The following ACOX3 variants were observed in gnomAD, a reference collection of about 807,000 sequenced individuals.
The protein encoded by ACOX3 is peroxisomal acyl-coenzyme A oxidase 3.
ACOX3 carries 73 observed loss-of-function variants against 81.5 expected under a neutral mutation model. The observed-to-expected ratio is 0.90, with a 90% CI of 0.74 to 1.09. The LOEUF is 1.09. ACOX3 is among the 50% of genes least tolerant of loss of function. The pLI, the probability that ACOX3 is intolerant of heterozygous loss-of-function variation, is 0.00. For synonymous variants in ACOX3, 387 were observed against 375.1 expected (o/e 1.03, Z -0.37); for missense variants, 947 against 928.0 (o/e 1.02, Z -0.27).
In ACOX3 at chr4:8,432,057, A is replaced by T. The variant is rs1258700687; in HGVS notation, c.-15+8591T>A. On this transcript the variant is annotated intron_variant, in intron 1 of 17. Transcript: ENST00000356406. This position sits in a 1 kb window ranked among gnomAD's most constrained non-coding sequence, Gnocchi z 6.2. ...TTCGGCACCAAGAATGATCCATCAC[A>T]GCTCAGCCACAGTCGTCACCACCAC... is the stretch of plus-strand genomic sequence containing the variant. Among the ~76,000 whole-genome samples, 2 of 152,154 alleles carry T rather than the reference A, an allele frequency of 1.3e-5. No individual in the cohort carries two copies. The highest frequency in any genetic ancestry group is 2.9e-5 in the Non-Finnish European group (2 of 68,020).
rs957805913 is a variant in ACOX3 at position 8,400,465 on chromosome 4, A to T, written c.777-813T>A. ...GTTTAAAACTCTTCAGTCAAACAAA[A>T]TAACTGGTGTGATGGCATTGGTGCT... On this transcript the variant is annotated intron_variant, in intron 7 of 17. Coordinates refer to ENST00000356406, the MANE Select transcript of ACOX3 (RefSeq NM_003501.3). The surrounding 1 kb of genome is among the most constrained non-coding windows in gnomAD (Gnocchi z 4.4). 6.6e-6 allele frequency among the ~76,000 whole-genome samples: 1 copy of T among 152,180 alleles called. No individual in the cohort carries two copies. Among genetic ancestry groups the T allele is most frequent in the African/African-American group, 2.4e-5 (1 of 41,442 alleles).
At chr4:8,379,911 A>G (rs748679232) in intron 14 of ACOX3, among the ~76,000 whole-genome samples, 9 of 152,032 alleles carry the variant, frequency 5.9e-5, no homozygotes, top group South Asian at 2.1e-4. Context: ...TCAGCCTCCT[A>G]AAGTGCTGGC....
In ACOX3 at chr4:8,416,494, T is replaced by C; in HGVS notation, c.28A>G (p.Thr10Ala). MASTVEGGD[T>A]ALLPEFPRGP... The stretch of plus-strand genomic sequence containing the variant: ...CTGGGGAATTCTGGGAGCAGAGCTG[T>C]GTCGCCTCCTTCCACAGTGGATGCC... Residue 10 changes from threonine (T) to alanine (A), a missense_variant, in exon 2 of 18, where the codon ACA becomes GCA. Transcript: ENST00000356406. The surrounding 1 kb of genome is among the most constrained non-coding windows in gnomAD (Gnocchi z 4.2). The C allele has an allele frequency of 6.2e-7, 1 of 1,612,110 alleles. No homozygotes were observed.
At chr4:8,364,627 G>A (rs1435403757), downstream of ACOX3, among the ~76,000 whole-genome samples, 3 of 152,190 alleles carry the variant, frequency 2.0e-5, no homozygotes, top group Non-Finnish European at 4.4e-5. This position sits in a 1 kb window ranked among gnomAD's most constrained non-coding sequence, Gnocchi z 5.0. Flanking sequence ...CTGACATGGT[G>A]ACATCGTGAC....
In ACOX3 at chr4:8,380,920, C is replaced by T. The variant is rs116411017; in HGVS notation, c.1653+572G>A. 5.8e-3 allele frequency among the ~76,000 whole-genome samples: 889 copies of T among 152,294 alleles called. 10 individuals carry two copies. Among genetic ancestry groups the T allele is most frequent in the African/African-American group, 0.02 (842 of 41,564 alleles). On this transcript the variant is annotated intron_variant, in intron 14 of 17. Coordinates refer to ENST00000356406, the MANE Select transcript of ACOX3 (RefSeq NM_003501.3). Reference sequence around the variant, plus strand: ...GTGGGGGCTGGGCTCTGCTCTAGGGCAGATGGCTGGGACAGGGCTGGAAGG... The same window carrying T: ...GTGGGGGCTGGGCTCTGCTCTAGGGTAGATGGCTGGGACAGGGCTGGAAGG...
At position 8,366,709 on chromosome 4, in the gene ACOX3, G is replaced by A. The variant is rs544495053; in HGVS notation, c.*252C>T. The stretch of plus-strand genomic sequence containing the variant: ...TTCTAATTATCAAAAAACCCACGGC[G>A]CATCAGGTAGACATGATCATCTGCA... On this transcript the variant is annotated 3_prime_UTR_variant, in exon 18 of 18. Transcript: ENST00000356406. The A allele has an allele frequency of 6.3e-5, 21 of 334,232 alleles. No individual in the cohort carries two copies. Among genetic ancestry groups the A allele is most frequent in the Middle Eastern group, 9.0e-4 (1 of 1,114 alleles). The allele number at this position is 334,232 out of a possible 1,614,324, so 20.7% of individuals were successfully genotyped here.
At chr4:8,411,694 C>A (rs150448332) in intron 5 of ACOX3, among the ~76,000 whole-genome samples, 90 of 152,312 alleles carry the variant, frequency 5.9e-4, no homozygotes, top group Non-Finnish European at 1.5e-5. Flanking sequence ...TGCCTCCCTG[C>A]GCCCCGGCAT....
intron 5 of ACOX3, among the ~76,000 whole-genome samples, chr4:8,413,503 G>A (rs543945253): frequency 2.5e-4 from 20 of 81,468 alleles, no homozygotes; most frequent in Admixed American, 1.3e-3. Context: ...CCTCCACCCC[G>A]CAACCCTCCA....
the ACOX3 span, among the ~76,000 whole-genome samples, chr4:8,359,598 G>T: frequency 6.6e-6 from 1 of 152,298 alleles, no homozygotes; most frequent in South Asian, 2.1e-4. The surrounding 1 kb of genome is among the most constrained non-coding windows in gnomAD (Gnocchi z 6.0). Context: ...AATTAGCCAC[G>T]TACAGGATTG....
rs371023513 is a variant in ACOX3, at chr4:8,370,852, G to A, written c.1983+56C>T. On this transcript the variant is annotated intron_variant, in intron 17 of 17. Transcript: ENST00000356406. The surrounding 1 kb of genome is among the most constrained non-coding windows in gnomAD (Gnocchi z 6.3). ...TGACCCACAGGAGCATCTCAGCTCC[G>A]CAGAAATGCCCATCAACCCTTGGGG... 259 of 1,525,330 alleles carry A rather than the reference G, an allele frequency of 1.7e-4. 1 individual carries two copies. The African/African-American group carries it at 2.8e-3, about 17-fold the overall frequency. The allele number at this position is 1,525,330 out of a possible 1,614,324, so 94.5% of individuals were successfully genotyped here.
Position 8,430,582 on chromosome 4 carries a change from G to T in ACOX3, c.-15+10066C>A, listed in dbSNP as rs1451376004. Among the ~76,000 whole-genome samples, 1 of 152,202 alleles carries T rather than the reference G, an allele frequency of 6.6e-6. No individual in the cohort carries two copies. Among genetic ancestry groups the T allele is most frequent in the Non-Finnish European group, 1.5e-5 (1 of 68,044 alleles). Reference sequence around the variant, plus strand: ...TTAGAAAAACATCTTTCGGCTGGGTGTGGTGGCTCACACCTATAATCTTAG... The same window carrying T: ...TTAGAAAAACATCTTTCGGCTGGGTTTGGTGGCTCACACCTATAATCTTAG... On this transcript the variant is annotated intron_variant, in intron 1 of 17. Coordinates refer to ENST00000356406, the MANE Select transcript of ACOX3 (RefSeq NM_003501.3). The surrounding 1 kb of genome is among the most constrained non-coding windows in gnomAD (Gnocchi z 5.2).
chr4:8,376,878 A>C (rs2108807819), intron 14 of ACOX3, among the ~76,000 whole-genome samples: 1 of 151,982 alleles, frequency 6.6e-6, no homozygotes, highest in Non-Finnish European at 1.5e-5. Flanking sequence ...CTAGCACCCA[A>C]ATTTCCCAGA....
rs1168452325 is a variant in ACOX3, at chr4:8,407,749, A to G, written c.688-1706T>C. On this transcript the variant is annotated intron_variant, in intron 6 of 17. Transcript: ENST00000356406. This position sits in a 1 kb window ranked among gnomAD's most constrained non-coding sequence, Gnocchi z 4.6. ...ATATTCTGGTCAATCACCGCTCCCC[A>G]AGATACAGGTCCAGCCAGCTAATGG... Among the ~76,000 whole-genome samples, 1 of 152,254 alleles carries G rather than the reference A, an allele frequency of 6.6e-6. No homozygotes were observed. The highest frequency in any genetic ancestry group is 2.4e-5 in the African/African-American group (1 of 41,470).
rs1256716815 is a variant in ACOX3 at position 8,370,567 on chromosome 4, T to C, written c.1983+341A>G. On this transcript the variant is annotated intron_variant, in intron 17 of 17. Coordinates refer to ENST00000356406, the MANE Select transcript of ACOX3 (RefSeq NM_003501.3). This position sits in a 1 kb window ranked among gnomAD's most constrained non-coding sequence, Gnocchi z 6.3. ...GGCCAGGAGCATGGTCAGATGGGGGTAAGACCTGGGACCGGGGAGGCCGGG... is the reference window on the plus strand; with the variant it reads ...GGCCAGGAGCATGGTCAGATGGGGGCAAGACCTGGGACCGGGGAGGCCGGG... 3.7e-5 allele frequency among the ~76,000 whole-genome samples: 5 copies of C among 135,460 alleles called. No homozygotes were observed. Among genetic ancestry groups the C allele is most frequent in the African/African-American group, 1.4e-4 (5 of 35,380 alleles). The allele number at this position is 135,460 out of a possible 152,430, so 88.9% of individuals were successfully genotyped here.
intron 16 of ACOX3, among the ~76,000 whole-genome samples, 169 bp downstream of exon 16, chr4:8,373,392 T>G (rs900544817): frequency 4.0e-5 from 6 of 150,316 alleles, no homozygotes; most frequent in Middle Eastern, 3.4e-3. Flanking sequence ...TGCGTGTCGG[T>G]CTGGGTAAGG....
At chr4:8,397,914 G>A (rs1385338019) in intron 8 of ACOX3, among the ~76,000 whole-genome samples, 1 of 152,250 alleles carries the variant, frequency 6.6e-6, no homozygotes, top group African/African-American at 2.4e-5. Flanking sequence ...TAATCCCAAT[G>A]CTTTGGGAGG....
Position 8,386,780 on chromosome 4 carries a change from G to A in ACOX3, c.1537+2393C>T, listed in dbSNP as rs747827575. Among the ~76,000 whole-genome samples the A allele has an allele frequency of 5.9e-5, 9 of 152,288 alleles. No individual in the cohort carries two copies. Among genetic ancestry groups the A allele is most frequent in the Non-Finnish European group, 1.2e-4 (8 of 68,026 alleles). ...GACGGTGCGGGCAGGGGAAGGCGCT[G>A]GGAAGCCGGACCGGCCCAGGCTCCA... On this transcript the variant is annotated intron_variant, in intron 13 of 17. Transcript: ENST00000356406. This position sits in a 1 kb window ranked among gnomAD's most constrained non-coding sequence, Gnocchi z 5.2.
At chr4:8,422,899 T>C (rs1723098977) in intron 1 of ACOX3, among the ~76,000 whole-genome samples, 1 of 152,208 alleles carries the variant, frequency 6.6e-6, no homozygotes, top group Non-Finnish European at 1.5e-5. Context: ...CCCTCATCCA[T>C]GCCCCTCATG....
intron 1 of ACOX3, among the ~76,000 whole-genome samples, chr4:8,436,908 T>C (rs1724271851): frequency 6.8e-6 from 1 of 146,532 alleles, no homozygotes; most frequent in African/African-American, 2.5e-5. Context: ...AGGAGAATTG[T>C]GTGAACCTGG....
Sources: allele counts gnomAD v4.1 joint callset (sites outside exome capture counted in the v4.1 genomes callset), GRCh38; gene constraint gnomAD v4.1.1; non-coding constraint Gnocchi (gnomAD v3.1); transcripts MANE v1.5; gene names NCBI Gene and HGNC (gene_info 2026-07-23, HGNC 2026-07-21).